Variants in MYO5A observed in about 807,000 individuals in gnomAD.
The protein encoded by MYO5A is myosin VA, also known as unconventional myosin-Va.
A neutral mutation model predicts 249.7 loss-of-function variants in MYO5A; 98 were observed. The ratio of observed to expected loss-of-function variants is 0.39; its 90% CI spans 0.33 to 0.46. The LOEUF is 0.46. Among genes scored for constraint, MYO5A ranks in the 20% least tolerant of loss-of-function variants. The pLI is 0.98. For synonymous variants in MYO5A, 778 were observed against 810.6 expected, an observed-to-expected ratio of 0.96 and a Z score of 0.68; for missense variants, 1,696 against 2,308.8, an observed-to-expected ratio of 0.73 and a Z score of 5.44.
chr15:52,428,355 A>G (rs758925593), intron 3 of MYO5A, 43 bp downstream of exon 3: 27 of 1,571,264 alleles, frequency 1.7e-5, no homozygotes, highest in Non-Finnish European at 2.3e-5. Flanking sequence ...TGTCCATTAG[A>G]GGAAAGAGTC....
At chr15:52,459,704 C>T (rs1053375577) in intron 1 of MYO5A, among the ~76,000 whole-genome samples, 3 of 152,268 alleles carry the variant, frequency 2.0e-5, no homozygotes, top group African/African-American at 7.2e-5. Flanking sequence ...GACGGGGTGG[C>T]TGCCGGGCAG....
At chr15:52,465,502 A>C (rs1356364147) in intron 1 of MYO5A, among the ~76,000 whole-genome samples, 1 of 152,184 alleles carries the variant, frequency 6.6e-6, no homozygotes, top group African/African-American at 2.4e-5. Flanking sequence ...GTAAAAAAGC[A>C]AAGTCCCTTA....
chr15:52,425,101 T>G (rs901910425), intron 4 of MYO5A, among the ~76,000 whole-genome samples: 1 of 152,168 alleles, frequency 6.6e-6, no homozygotes, highest in East Asian at 1.9e-4. Flanking sequence ...AAGAAAAAAA[T>G]TTCACACTTT....
Position 52,428,462 on chromosome 15 carries a change from C to G in MYO5A, c.246G>C (p.Glu82Asp). The part of the protein sequence containing the change: ...NDLTALSYLH[E>D]PAVLHNLRVR... ...CTCTGAGATTATGGAGCACAGCAGG[C>G]TCATGAAGATAGCTGAGGGCTGTGA... is the stretch of plus-strand genomic sequence containing the variant. The change falls in exon 3 of 42, where the codon GAG becomes GAC. Residue 82 changes from glutamate (E) to aspartate (D), a missense_variant. By Grantham distance (45) the Glu-to-Asp change is conservative. This residue lies in a region of MYO5A where 197 missense variants were observed against 320.3 expected (regional missense o/e 0.62). Coordinates refer to ENST00000399233, the MANE Select transcript of MYO5A (RefSeq NM_001382347.1). 3.2e-5 allele frequency: 51 copies of G among 1,614,146 alleles called. No individual in the cohort carries two copies. The highest frequency in any genetic ancestry group is 4.2e-5 in the Non-Finnish European group (49 of 1,179,992).
intron 11 of MYO5A, among the ~76,000 whole-genome samples, chr15:52,394,633 C>A (rs947699499): frequency 1.3e-5 from 2 of 152,160 alleles, no homozygotes; most frequent in African/African-American, 4.8e-5. Flanking sequence ...TAGAGACAGA[C>A]AGCAGGAAAG....
At chr15:52,430,309 G>A (rs2075498224) in intron 2 of MYO5A, among the ~76,000 whole-genome samples, 2 of 152,188 alleles carry the variant, frequency 1.3e-5, no homozygotes, top group South Asian at 4.1e-4. Flanking sequence ...TCTTTCCTCA[G>A]TCTTCATTAC....
chr15:52,381,690 GAA>G (rs2041744108), intron 16 of MYO5A, among the ~76,000 whole-genome samples: 1 of 152,142 alleles, frequency 6.6e-6, no homozygotes, highest in East Asian at 1.9e-4. Context: ...TACCAAAAGG[GAA>G]AGTGTTCACA....
At position 52,371,121 on chromosome 15, in the gene MYO5A, A is replaced by C. The variant is rs28405466; in HGVS notation, c.2818-704T>G. Among the ~76,000 whole-genome samples, 147 of 151,380 alleles carry C rather than the reference A, an allele frequency of 9.7e-4. 1 individual carries two copies. The highest frequency in any genetic ancestry group is 3.4e-3 in the African/African-American group (140 of 41,270). ...GGGTGAGAATCTGTCCTAAAACAAAAAACAAAAAAAAAAAACCCTCTCCCT... is the reference window on the plus strand; with the variant it reads ...GGGTGAGAATCTGTCCTAAAACAAACAACAAAAAAAAAAAACCCTCTCCCT... On this transcript the variant is annotated intron_variant, in intron 21 of 41. Coordinates refer to ENST00000399233, the MANE Select transcript of MYO5A (RefSeq NM_001382347.1).
chr15:52,475,835 A>G lies in MYO5A; in HGVS notation c.28-42550T>C, dbSNP rs1041869434. Among the ~76,000 whole-genome samples, 9 of 152,234 alleles carry G rather than the reference A, an allele frequency of 5.9e-5. No homozygotes were observed. The South Asian group carries it at 1.2e-3, about 21-fold the overall frequency. On this transcript the variant is annotated intron_variant, in intron 1 of 41. Coordinates refer to ENST00000399233, the MANE Select transcript of MYO5A (RefSeq NM_001382347.1). ...ATGTGGTCAATTTTGGAATAAGTGC[A>G]ATGTGGTGCTGAGAAGAATGTATAT...
At chr15:52,376,891 T>C (rs1365156697) in intron 18 of MYO5A, among the ~76,000 whole-genome samples, 1 of 152,200 alleles carries the variant, frequency 6.6e-6, no homozygotes, top group Non-Finnish European at 1.5e-5. Flanking sequence ...ATGCTGACTC[T>C]CTCTGACTGA....
intron 34 of MYO5A, among the ~76,000 whole-genome samples, chr15:52,335,416 T>C (rs1366798044): frequency 6.7e-6 from 1 of 148,220 alleles, no homozygotes; most frequent in African/African-American, 2.5e-5. Context: ...CTCAGGAGGC[T>C]GAGGCAGGAG....
intron 1 of MYO5A, chr15:52,505,261 A>T (rs1269338189): frequency 1.3e-6 from 1 of 775,774 alleles, no homozygotes; most frequent in Non-Finnish European, 2.4e-6. Flanking sequence ...CAAGAGCTAC[A>T]TCAAGGGGTA....
At chr15:52,403,007 A>G (rs997695938) in intron 9 of MYO5A, among the ~76,000 whole-genome samples, 2 of 152,202 alleles carry the variant, frequency 1.3e-5, no homozygotes, top group Admixed American at 6.5e-5. Context: ...AATTACAAGA[A>G]CTGGATGGAA....
At chr15:52,410,209 T>C (rs925091523) in intron 6 of MYO5A, 124 bp downstream of exon 6, 4 of 1,162,682 alleles carry the variant, frequency 3.4e-6, no homozygotes, top group Non-Finnish European at 5.1e-6. Flanking sequence ...CCAAGTGTGG[T>C]TGGAGGTAAT....
chr15:52,445,587 G>A (rs1567133553), intron 1 of MYO5A, among the ~76,000 whole-genome samples: 1 of 152,232 alleles, frequency 6.6e-6, no homozygotes, highest in Non-Finnish European at 1.5e-5. Flanking sequence ...AGGCTCAGAA[G>A]AAGACAGGAA....
chr15:52,433,413 CTTTTTT>C (rs151276395), intron 1 of MYO5A, 128 bp from the exon 2 acceptor site: 4,682 of 273,896 alleles, frequency 0.017, 5 homozygotes, highest in East Asian at 0.052. Flanking sequence ...ATGAAATTCA[CTTTTTT>C]TTTTTTTTTT....
In MYO5A at chr15:52,317,142, A is replaced by G; in HGVS notation, c.5315T>C (p.Leu1772Pro). ...NSGAKETLEPLIQAAQLLQVK... is the reference protein window; with the variant it reads ...NSGAKETLEPPIQAAQLLQVK... ...TTGCAAAAGTTGAGCAGCCTGAATG[A>G]GAGGTTCCAGGGTTTCTTTAGCCCC... The change falls in exon 40 of 42, where the codon CTC becomes CCC. Residue 1772 changes from leucine to proline, a missense_variant. Leu to Pro is a moderately conservative substitution (Grantham distance 98). Around this residue, in one of 5 missense-constraint regions of MYO5A, gnomAD observed 625 missense variants for 908.1 expected, o/e 0.69. Transcript: ENST00000399233. 2 of 1,614,126 alleles carry G rather than the reference A, an allele frequency of 1.2e-6. No individual in the cohort carries two copies. Among genetic ancestry groups the G allele is most frequent in the Non-Finnish European group, 1.7e-6 (2 of 1,179,978 alleles).
chr15:52,389,795 T>C (rs1336742628), intron 12 of MYO5A, among the ~76,000 whole-genome samples: 1 of 151,826 alleles, frequency 6.6e-6, no homozygotes, highest in African/African-American at 2.4e-5. Context: ...TCTACTAAAA[T>C]TAGAAAAAAT....
rs976379725 is a variant in MYO5A, at chr15:52,307,292, A to G, written c.*6404T>C. On this transcript the variant is annotated 3_prime_UTR_variant, in exon 42 of 42. Coordinates refer to ENST00000399233, the MANE Select transcript of MYO5A (RefSeq NM_001382347.1). ...ACACTGACAAAAACTCTTTATATCC[A>G]TATCTTTATTTAAACAAGTTTCCAT... 1.3e-5 allele frequency: 2 copies of G among 152,182 alleles called. No homozygotes were observed. Among genetic ancestry groups the G allele is most frequent in the Admixed American group, 6.5e-5 (1 of 15,284 alleles). 9.4% of individuals were successfully genotyped at this position (152,182 alleles called of 1,614,324 possible). A position where few individuals can be genotyped will look rare whatever the true frequency, so the allele number is the denominator to read the frequency against.
Sources: allele counts gnomAD v4.1 joint callset (sites outside exome capture counted in the v4.1 genomes callset), GRCh38; gene constraint gnomAD v4.1.1; regional missense constraint gnomAD v4.1.1; transcripts MANE v1.5; gene names NCBI Gene and HGNC (gene_info 2026-07-23, HGNC 2026-07-21).